The following ARHGAP15 variants were observed in gnomAD, a reference collection of about 807,000 sequenced individuals.
ARHGAP15 encodes Rho GTPase activating protein 15.
A neutral mutation model predicts 63.7 loss-of-function variants in ARHGAP15; 51 were observed. That is an observed-to-expected ratio of 0.80 (90% confidence interval 0.64 to 1.01). ARHGAP15 has a LOEUF of 1.01. Among genes scored for constraint, ARHGAP15 ranks in the 50% least tolerant of loss-of-function variants. The pLI, the probability that ARHGAP15 is intolerant of heterozygous loss-of-function variation, is 0.00. For missense variants in ARHGAP15, 560 were observed against 564.6 expected (o/e 0.99, Z 0.08); for synonymous variants, 191 against 193.8 (o/e 0.99, Z 0.12).
intron 8 of ARHGAP15, among the ~76,000 whole-genome samples, chr2:143,457,683 C>T (rs1313878995): frequency 6.6e-6 from 1 of 151,204 alleles, no homozygotes; most frequent in African/African-American, 2.4e-5. Flanking sequence ...ACTAAATCCA[C>T]AAAATTATAC....
intron 6 of ARHGAP15, among the ~76,000 whole-genome samples, chr2:143,333,705 C>T (rs1481896474): frequency 1.3e-5 from 2 of 151,948 alleles, no homozygotes. Flanking sequence ...CGGCTAAGAG[C>T]AAAAATAAGA....
At chr2:143,662,186 G>A (rs373640729) in intron 12 of ARHGAP15, among the ~76,000 whole-genome samples, 5 of 152,150 alleles carry the variant, frequency 3.3e-5, no homozygotes, top group East Asian at 3.9e-4. Context: ...TTTGAAGAGA[G>A]CAGTGGTTCT....
At chr2:143,765,572 C>T (rs72861323) in intron 13 of ARHGAP15, among the ~76,000 whole-genome samples, 7,972 of 152,186 alleles carry the variant, frequency 0.052, 261 homozygotes, top group African/African-American at 0.089. Flanking sequence ...AGCAGAATAT[C>T]CTGAATATTC....
At chr2:143,475,309 A>C (rs1381629362) in intron 8 of ARHGAP15, among the ~76,000 whole-genome samples, 1 of 152,214 alleles carries the variant, frequency 6.6e-6, no homozygotes, top group Non-Finnish European at 1.5e-5. Flanking sequence ...CTGATCACTT[A>C]GCCGTAGACG....
intron 6 of ARHGAP15, among the ~76,000 whole-genome samples, chr2:143,421,901 G>T (rs149016724): frequency 7.6e-4 from 115 of 151,818 alleles, no homozygotes; most frequent in African/African-American, 2.7e-3. Flanking sequence ...AAGAGAAAGG[G>T]GGGGAGAGAG....
At chr2:143,532,947 C>G (rs1366544885) in intron 10 of ARHGAP15, among the ~76,000 whole-genome samples, 2 of 152,128 alleles carry the variant, frequency 1.3e-5, no homozygotes, top group Admixed American at 1.3e-4. Flanking sequence ...CAAACAAAAA[C>G]AGGTCACAGT....
At chr2:143,675,078 G>A (rs1001875003) in intron 12 of ARHGAP15, among the ~76,000 whole-genome samples, 3 of 152,198 alleles carry the variant, frequency 2.0e-5, no homozygotes, top group African/African-American at 4.8e-5. Flanking sequence ...TATCAACCAA[G>A]TGTATGTAAT....
At chr2:143,331,400 ATATT>A (rs1372654073) in intron 6 of ARHGAP15, among the ~76,000 whole-genome samples, 1 of 152,042 alleles carries the variant, frequency 6.6e-6, no homozygotes, top group East Asian at 1.9e-4. Flanking sequence ...TTAACTATAC[ATATT>A]TGTTTATTTC....
At chr2:143,738,258 A>ATT (rs5834968) in intron 13 of ARHGAP15, among the ~76,000 whole-genome samples, 38 of 151,768 alleles carry the variant, frequency 2.5e-4, no homozygotes, top group African/African-American at 6.0e-4. Flanking sequence ...AGGAAGTTAA[A>ATT]TTTTTTTTTA....
At chr2:143,377,671 TAAA>T (rs1686876782) in intron 6 of ARHGAP15, among the ~76,000 whole-genome samples, 1 of 152,048 alleles carries the variant, frequency 6.6e-6, no homozygotes, top group Non-Finnish European at 1.5e-5. Context: ...AATACAGTGT[TAAA>T]AAGGTTTGAG....
chr2:143,232,052 T>C (rs1247548299), intron 5 of ARHGAP15, among the ~76,000 whole-genome samples: 3 of 152,154 alleles, frequency 2.0e-5, no homozygotes, highest in Non-Finnish European at 4.4e-5. Context: ...AATATCCAAG[T>C]CACATTTTTA....
At chr2:143,455,786 C>T (rs922282379) in intron 8 of ARHGAP15, among the ~76,000 whole-genome samples, 10 of 151,984 alleles carry the variant, frequency 6.6e-5, no homozygotes, top group East Asian at 3.9e-4. Context: ...TATTAAGTAG[C>T]GCCATGACCA....
At chr2:143,616,004 G>A (rs1698438611) in intron 11 of ARHGAP15, among the ~76,000 whole-genome samples, 1 of 152,126 alleles carries the variant, frequency 6.6e-6, no homozygotes, top group African/African-American at 2.4e-5. Flanking sequence ...TGGGTGCCAG[G>A]AAATACATCA....
chr2:143,656,823 T>C (rs1351653149), intron 12 of ARHGAP15, among the ~76,000 whole-genome samples: 2 of 152,120 alleles, frequency 1.3e-5, no homozygotes, highest in Admixed American at 1.3e-4. Context: ...GTACTCCTCC[T>C]CTTCAGGACA....
intron 6 of ARHGAP15, among the ~76,000 whole-genome samples, chr2:143,276,927 A>G (rs1453393243): frequency 6.6e-6 from 1 of 152,240 alleles, no homozygotes; most frequent in Non-Finnish European, 1.5e-5. Flanking sequence ...CTTTAGGCAC[A>G]CAATAGAAAT....
intron 10 of ARHGAP15, among the ~76,000 whole-genome samples, chr2:143,532,792 A>T (rs149096461): frequency 6.6e-6 from 1 of 152,218 alleles, no homozygotes; most frequent in African/African-American, 2.4e-5. Flanking sequence ...TATTGTGTAG[A>T]TATACCAAAG....
At chr2:143,168,621 G>T (rs1690643297) in intron 2 of ARHGAP15, among the ~76,000 whole-genome samples, 1 of 149,740 alleles carries the variant, frequency 6.7e-6, no homozygotes, top group Non-Finnish European at 1.5e-5. Flanking sequence ...TTTATTCTGG[G>T]TTATCTAAGA....
At chr2:143,604,862 C>T (rs1697923830) in intron 11 of ARHGAP15, among the ~76,000 whole-genome samples, 5 of 151,984 alleles carry the variant, frequency 3.3e-5, no homozygotes, top group Admixed American at 2.0e-4. Context: ...ATGATAATAC[C>T]GTGCATAGCA....
intron 6 of ARHGAP15, among the ~76,000 whole-genome samples, chr2:143,261,401 C>T (rs1277692777): frequency 1.4e-5 from 2 of 141,720 alleles, no homozygotes; most frequent in African/African-American, 5.3e-5. Flanking sequence ...TACAGTGGCA[C>T]CGTGTTGGTT....
Sources: allele counts gnomAD v4.1 joint callset (sites outside exome capture counted in the v4.1 genomes callset), GRCh38; gene constraint gnomAD v4.1.1; transcripts MANE v1.5; gene names NCBI Gene and HGNC (gene_info 2026-07-23, HGNC 2026-07-21).